The following FAM13A variants were observed in gnomAD, a reference collection of about 807,000 sequenced individuals.
The protein encoded by FAM13A is family with sequence similarity 13 member A.
A neutral mutation model predicts 129.6 loss-of-function variants in FAM13A; 76 were observed. That is an observed-to-expected ratio of 0.59 (90% CI 0.49 to 0.71). The LOEUF is 0.71. FAM13A is among the 30% of genes least tolerant of loss of function. FAM13A has a pLI of 0.00. For synonymous variants in FAM13A, 443 were observed against 449.9 expected (o/e 0.98, Z 0.20); for missense variants, 1,108 against 1,249.3 (o/e 0.89, Z 1.70).
chr4:88,963,723 G>A (rs747970276), intron 4 of FAM13A, among the ~76,000 whole-genome samples: 1 of 152,138 alleles, frequency 6.6e-6, no homozygotes, highest in Admixed American at 6.5e-5. Context: ...ATATTTAATA[G>A]CTCCTTGTTT....
chr4:89,000,689 A>C (rs1387937541), intron 3 of FAM13A, among the ~76,000 whole-genome samples: 1 of 152,218 alleles, frequency 6.6e-6, no homozygotes, highest in African/African-American at 2.4e-5. Flanking sequence ...TAATTTATAT[A>C]CCAATAAAGC....
chr4:88,978,956 T>C (rs533224104), intron 4 of FAM13A, among the ~76,000 whole-genome samples: 2 of 152,110 alleles, frequency 1.3e-5, no homozygotes, highest in Non-Finnish European at 2.9e-5. Flanking sequence ...CTCAGAGAAA[T>C]ATTTCCAATA....
chr4:88,774,649 C>T (rs1721325312), intron 11 of FAM13A, among the ~76,000 whole-genome samples: 1 of 152,148 alleles, frequency 6.6e-6, no homozygotes, highest in African/African-American at 2.4e-5. Context: ...TGAGTAGAAG[C>T]TTGGAGACAT....
At chr4:88,899,026 C>A (rs181273537) in intron 6 of FAM13A, among the ~76,000 whole-genome samples, 1 of 151,728 alleles carries the variant, frequency 6.6e-6, no homozygotes, top group African/African-American at 2.4e-5. Context: ...AGCCCAAAGC[C>A]CATCAATCAA....
At chr4:88,749,628 G>T (rs1314576701) in intron 16 of FAM13A, 143 bp downstream of exon 16, 3 of 693,420 alleles carry the variant, frequency 4.3e-6, no homozygotes, top group Non-Finnish European at 7.1e-6. Context: ...TTATCAGGGT[G>T]TACTATCCAG....
chr4:89,005,224 T>C (rs1764844929), intron 3 of FAM13A, among the ~76,000 whole-genome samples: 1 of 152,238 alleles, frequency 6.6e-6, no homozygotes, highest in Non-Finnish European at 1.5e-5. Flanking sequence ...GCTCCATCCA[T>C]GTTCCCATGA....
chr4:89,030,428 A>C (rs867744874), intron 1 of FAM13A, among the ~76,000 whole-genome samples: 1 of 152,144 alleles, frequency 6.6e-6, no homozygotes, highest in Admixed American at 6.5e-5. Context: ...TCTTATATAA[A>C]TGTTATTATA....
chr4:88,732,077 A>G lies in FAM13A; in HGVS notation c.2768T>C (p.Ile923Thr), dbSNP rs756119673. ...DQFEDDADGF[I>T]SPMDDKIPSK... Reference sequence around the variant, plus strand: ...TGGTATTTTATCATCCATTGGGGAAATAAATCCATCAGCGTCATCTTCGAA... The same window carrying G: ...TGGTATTTTATCATCCATTGGGGAAGTAAATCCATCAGCGTCATCTTCGAA... Residue 923 changes from isoleucine (I) to threonine (T), a missense_variant, in exon 22 of 24, where the codon ATT becomes ACT. Physicochemically the swap from Ile to Thr is moderately conservative, Grantham distance 89 (BLOSUM62 -1). Coordinates refer to ENST00000264344, the MANE Select transcript of FAM13A (RefSeq NM_014883.4). 5.0e-6 allele frequency: 8 copies of G among 1,613,996 alleles called. No homozygotes were observed. The highest frequency in any genetic ancestry group is 1.7e-6 in the Non-Finnish European group (2 of 1,179,980).
intron 1 of FAM13A, among the ~76,000 whole-genome samples, chr4:89,033,742 A>G (rs925920570): frequency 6.6e-6 from 1 of 152,232 alleles, no homozygotes; most frequent in Non-Finnish European, 1.5e-5. Flanking sequence ...GAGTTTTTAC[A>G]ATAGCTAACA....
intron 15 of FAM13A, 22 bp downstream of exon 15, chr4:88,750,402 T>A: frequency 6.3e-7 from 1 of 1,583,712 alleles, no homozygotes; most frequent in East Asian, 2.2e-5. Context: ...CATTTGTCTA[T>A]CAGCAACACA....
intron 7 of FAM13A, among the ~76,000 whole-genome samples, chr4:88,830,414 G>A (rs1733705726): frequency 6.6e-6 from 1 of 152,086 alleles, no homozygotes; most frequent in South Asian, 2.1e-4. Flanking sequence ...TTTCTAGTTA[G>A]GTACTACTAT....
intron 5 of FAM13A, chr4:88,937,781 G>GT: frequency 2.4e-6 from 1 of 412,696 alleles, no homozygotes; most frequent in Non-Finnish European, 4.3e-6. Flanking sequence ...TATTCCTGCT[G>GT]TAACATCAGG....
At chr4:88,892,299 C>T (rs974457987) in intron 6 of FAM13A, among the ~76,000 whole-genome samples, 27 of 151,678 alleles carry the variant, frequency 1.8e-4, no homozygotes, top group African/African-American at 6.5e-4. Flanking sequence ...ACTGCCTCAG[C>T]CTCCCGAGTA....
At chr4:88,867,527 C>T (rs1391700819) in intron 6 of FAM13A, among the ~76,000 whole-genome samples, 1 of 152,198 alleles carries the variant, frequency 6.6e-6, no homozygotes, top group African/African-American at 2.4e-5. Flanking sequence ...GTATTTTTTG[C>T]CTCCTGGCAT....
intron 11 of FAM13A, among the ~76,000 whole-genome samples, chr4:88,775,216 C>A (rs551897084): frequency 9.9e-5 from 15 of 152,144 alleles, no homozygotes; most frequent in African/African-American, 3.4e-4. Context: ...AGGGTTCAGA[C>A]AAAGAGCCAC....
rs1192030280 is a variant in FAM13A, at chr4:88,801,253, TAC to T, written c.1049+3756_1049+3757del. Reference sequence around the variant, plus strand: ...GTCATTTTTTTCTTTAACATAAATGTACAGTTATGAGACTGAGAAAATCGATA... The same window carrying T: ...GTCATTTTTTTCTTTAACATAAATGTAGTTATGAGACTGAGAAAATCGATA... On this transcript the variant is annotated intron_variant, in intron 8 of 23. Coordinates refer to ENST00000264344, the MANE Select transcript of FAM13A (RefSeq NM_014883.4). 4.6e-5 allele frequency among the ~76,000 whole-genome samples: 7 copies of T among 152,198 alleles called. No individual in the cohort carries two copies. The East Asian group carries it at 9.6e-4, about 21-fold the overall frequency.
At chr4:88,817,025 T>C (rs535780572) in intron 7 of FAM13A, among the ~76,000 whole-genome samples, 1 of 152,296 alleles carries the variant, frequency 6.6e-6, no homozygotes, top group South Asian at 2.1e-4. Flanking sequence ...GCTACATCCA[T>C]ATATCATAAT....
chr4:89,014,490 C>G (rs1348762251), intron 3 of FAM13A, among the ~76,000 whole-genome samples: 1 of 152,126 alleles, frequency 6.6e-6, no homozygotes, highest in African/African-American at 2.4e-5. Context: ...CAGAATCATG[C>G]CATCAGAACT....
chr4:88,954,082 T>TCTA (rs1757361060), intron 4 of FAM13A, among the ~76,000 whole-genome samples: 1 of 152,184 alleles, frequency 6.6e-6, no homozygotes, highest in African/African-American at 2.4e-5. Context: ...ATTGTTAGAC[T>TCTA]CCATGAATTC....
Sources: allele counts gnomAD v4.1 joint callset (sites outside exome capture counted in the v4.1 genomes callset), GRCh38; gene constraint gnomAD v4.1.1; transcripts MANE v1.5; gene names NCBI Gene and HGNC (gene_info 2026-07-23, HGNC 2026-07-21).